ACTN4: variants seen among roughly 807,000 people sequenced by gnomAD.
The protein encoded by ACTN4 is actinin alpha 4, also known as alpha-actinin-4.
In ACTN4, 18 loss-of-function variants were observed where a neutral mutation model predicts 114.2. The ratio of observed to expected loss-of-function variants is 0.16; its 90% CI spans 0.11 to 0.23. The LOEUF (loss-of-function observed/expected upper bound fraction) is 0.23. Ranked by LOEUF, ACTN4 falls within the 10% of genes least tolerant of loss-of-function variation. The pLI is 1.00. For missense variants in ACTN4, 722 were observed against 1,262.9 expected, an observed-to-expected ratio of 0.57 and a Z score of 6.49; for synonymous variants, 515 against 506.3, an observed-to-expected ratio of 1.02 and a Z score of -0.23.
Position 38,730,925 on chromosome 19 carries a change from G to C in ACTN4, c.*1493G>C. ...GTGGCTTGAGGCAGGGAGCTCGCAG[G>C]ACAGAGCCTGAGCCACCCTGTCCCT... On this transcript the variant is annotated 3_prime_UTR_variant, in exon 21 of 21. Coordinates refer to ENST00000252699, the MANE Select transcript of ACTN4 (RefSeq NM_004924.6). The C allele has an allele frequency of 6.4e-7, 1 of 1,550,498 alleles. No individual in the cohort carries two copies. The highest frequency in any genetic ancestry group is 8.7e-7 in the Non-Finnish European group (1 of 1,147,028).
At chr19:38,659,737 A>G (rs979733113) in intron 1 of ACTN4, among the ~76,000 whole-genome samples, 2 of 152,174 alleles carry the variant, frequency 1.3e-5, no homozygotes, top group East Asian at 3.9e-4. Flanking sequence ...CCTATCAGAC[A>G]TTCCAAGCAT....
chr19:38,711,256 TTCTCTCTCTC>T, intron 8 of ACTN4: 1 of 974,322 alleles, frequency 1.0e-6, no homozygotes, highest in Non-Finnish European at 1.2e-6. Context: ...CTCTCTCTCT[TTCTCTCTCTC>T]TCTGTGCAGA....
Position 38,647,666 on chromosome 19 carries a change from G to T in ACTN4, c.-80G>T, listed in dbSNP as rs1159460114. 2 of 1,476,172 alleles carry T rather than the reference G, an allele frequency of 1.4e-6. No individual in the cohort carries two copies. Among genetic ancestry groups the T allele is most frequent in the Non-Finnish European group, 1.8e-6 (2 of 1,111,950 alleles). 91.4% of individuals were successfully genotyped at this position (1,476,172 alleles called of 1,614,324 possible). A position where few individuals can be genotyped will look rare whatever the true frequency, so the allele number is the denominator to read the frequency against. On this transcript the variant is annotated 5_prime_UTR_variant, in exon 1 of 21. Transcript: ENST00000252699. ...GGCGGGCTGAAGCAGCTGAAGCGGC[G>T]GTAGCGGCGGCGGCTCGGGCAGAGG...
At position 38,690,860 on chromosome 19, in the gene ACTN4, T is replaced by C. The variant is rs138565557; in HGVS notation, c.163-9740T>C. Among the ~76,000 whole-genome samples the C allele has an allele frequency of 7.3e-4, 111 of 152,332 alleles. 1 individual carries two copies. Among genetic ancestry groups the C allele is most frequent in the African/African-American group, 2.5e-3 (106 of 41,578 alleles). Reference sequence around the variant, plus strand: ...TGAATTACATTTCAATTTTTAAAAATTGATTCTCCAAATTATGTACATATT... The same window carrying C: ...TGAATTACATTTCAATTTTTAAAAACTGATTCTCCAAATTATGTACATATT... On this transcript the variant is annotated intron_variant, in intron 1 of 20. Coordinates refer to ENST00000252699, the MANE Select transcript of ACTN4 (RefSeq NM_004924.6).
chr19:38,692,618 A>G (rs528250695), intron 1 of ACTN4, among the ~76,000 whole-genome samples: 3 of 152,316 alleles, frequency 2.0e-5, no homozygotes, highest in Middle Eastern at 3.4e-3. Context: ...GATGAAGCCC[A>G]TGGGCTGGGG....
At chr19:38,709,572 C>G (rs1262928671) in intron 7 of ACTN4, 96 bp downstream of exon 7, 3 of 1,089,306 alleles carry the variant, frequency 2.8e-6, no homozygotes, top group Non-Finnish European at 4.2e-6. Flanking sequence ...CACATCAGAG[C>G]TTTGGGTCAC....
chr19:38,679,331 C>T (rs1967476081), intron 1 of ACTN4, among the ~76,000 whole-genome samples: 1 of 152,002 alleles, frequency 6.6e-6, no homozygotes, highest in East Asian at 1.9e-4. Context: ...CCAGTGTGCC[C>T]GGCACTGTGT....
At chr19:38,710,402 C>G (rs954611196) in intron 8 of ACTN4, 60 bp downstream of exon 8, 212 of 1,551,656 alleles carry the variant, frequency 1.4e-4, no homozygotes, top group Non-Finnish European at 1.8e-4. Flanking sequence ...GCCGCTGCCT[C>G]TCGCCTCCCG....
At chr19:38,689,855 G>A (rs1388429522) in intron 1 of ACTN4, among the ~76,000 whole-genome samples, 3 of 151,982 alleles carry the variant, frequency 2.0e-5, no homozygotes, top group South Asian at 4.2e-4. Context: ...TGTATTATTA[G>A]TTAGAGACGA....
Position 38,724,585 on chromosome 19 carries a change from C to T in ACTN4, c.2010+20C>T. On this transcript the variant is annotated intron_variant, in intron 16 of 20. Coordinates refer to ENST00000252699, the MANE Select transcript of ACTN4 (RefSeq NM_004924.6). The surrounding 1 kb of genome is among the most constrained non-coding windows in gnomAD (Gnocchi z 7.0). ...ATGGAGGTGAGGCACGGCTGAGCCC[C>T]ACAGAGCTGAGAAGGTTCCAAGAGA... 6.2e-7 allele frequency: 1 copy of T among 1,613,050 alleles called. No individual in the cohort carries two copies.
chr19:38,698,902 G>A (rs190866777), intron 1 of ACTN4, among the ~76,000 whole-genome samples: 87 of 152,346 alleles, frequency 5.7e-4, no homozygotes, highest in Non-Finnish European at 2.9e-4. Context: ...CAGGGCTGGC[G>A]ACAGTTGTCA....
chr19:38,704,686 C>T (rs1456676739), intron 3 of ACTN4, among the ~76,000 whole-genome samples: 1 of 152,182 alleles, frequency 6.6e-6, no homozygotes, highest in Non-Finnish European at 1.5e-5. Context: ...GCTGCGGGGC[C>T]AGGGACCCTT....
intron 1 of ACTN4, among the ~76,000 whole-genome samples, chr19:38,657,589 A>C (rs1036483584): frequency 6.6e-6 from 1 of 152,224 alleles, no homozygotes; most frequent in African/African-American, 2.4e-5. Context: ...AATTACAGCT[A>C]TACAGATTGA....
In ACTN4 at chr19:38,725,804, C is replaced by G; in HGVS notation, c.2091C>G (p.Ile697Met). The G allele has an allele frequency of 6.2e-7, 1 of 1,614,168 alleles. No individual in the cohort carries two copies. The highest frequency in any genetic ancestry group is 8.5e-7 in the Non-Finnish European group (1 of 1,180,044). ...ACCTGAAGCAGTATGAACGCAGCATCGTGGACTACAAGCCCAACCTGGACC... is the reference window on the plus strand; with the variant it reads ...ACCTGAAGCAGTATGAACGCAGCATGGTGGACTACAAGCCCAACCTGGACC... ...LSHLKQYERS[I>M]VDYKPNLDLL... is the part of the protein sequence containing the mutation. Residue 697 changes from isoleucine (I) to methionine (M), a missense_variant, in exon 17 of 21, where the codon ATC (isoleucine) becomes ATG (methionine). Coordinates refer to ENST00000252699, the MANE Select transcript of ACTN4 (RefSeq NM_004924.6).
intron 1 of ACTN4, chr19:38,683,951 G>A (rs1395139984): frequency 6.6e-6 from 1 of 152,274 alleles, no homozygotes; most frequent in Non-Finnish European, 1.5e-5. Context: ...CCTTGGTTTT[G>A]TGTCTTCCTT....
chr19:38,694,507 G>A (rs1394676361), intron 1 of ACTN4, among the ~76,000 whole-genome samples: 6 of 151,976 alleles, frequency 3.9e-5, no homozygotes, highest in East Asian at 3.9e-4. Context: ...TGATCCGCCC[G>A]CCTCGGCCTC....
Position 38,729,766 on chromosome 19 carries a change from C to G in ACTN4, c.*334C>G. 4 of 519,124 alleles carry G rather than the reference C, an allele frequency of 7.7e-6. No homozygotes were observed. The highest frequency in any genetic ancestry group is 6.3e-5 in the South Asian group (4 of 63,436). 32.2% of individuals were successfully genotyped at this position (519,124 alleles called of 1,614,324 possible). ...ATGCCCTGGGATGCCTCACCACACC[C>G]AGGTCTCTTCCTTTGCTCTGAGGTC... On this transcript the variant is annotated 3_prime_UTR_variant, in exon 21 of 21. Transcript: ENST00000252699.
Position 38,727,206 on chromosome 19 carries a change from G to A in ACTN4, c.2337+103G>A. 3 of 1,540,108 alleles carry A rather than the reference G, an allele frequency of 1.9e-6. No homozygotes were observed. The South Asian group carries it at 3.5e-5, about 18-fold the overall frequency. On this transcript the variant is annotated intron_variant, in intron 18 of 20. Transcript: ENST00000252699. This position sits in a 1 kb window ranked among gnomAD's most constrained non-coding sequence, Gnocchi z 5.4. ...TTCGTCCATTCCCATCACAGTTGCT[G>A]AGCGTCGGCCGCCACTCCCAGGGCC...
chr19:38,660,692 G>A (rs1275629305), intron 1 of ACTN4, among the ~76,000 whole-genome samples: 1 of 152,194 alleles, frequency 6.6e-6, no homozygotes. Flanking sequence ...CACCATGCCC[G>A]ACCCATGGAC....
Sources: gnomAD v4.1 joint callset for allele counts (sites outside exome capture counted in the v4.1 genomes callset) on GRCh38, gnomAD v4.1.1 for gene constraint, Gnocchi (gnomAD v3.1) non-coding constraint, MANE v1.5 for transcripts, NCBI Gene and HGNC (gene_info 2026-07-23, HGNC 2026-07-21) for gene names.